The following DIXDC1 variants were observed in gnomAD, a reference collection of about 807,000 sequenced individuals.
The protein encoded by DIXDC1 is dixin.
DIXDC1 carries 64 observed loss-of-function variants against 103.1 expected under a neutral mutation model. That is an observed-to-expected ratio of 0.62 (90% CI 0.51 to 0.76). The LOEUF (loss-of-function observed/expected upper bound fraction) is 0.76, where lower values mean the gene tolerates loss of function less well. Ranked by LOEUF, DIXDC1 falls within the 30% of genes least tolerant of loss-of-function variation. DIXDC1 has a pLI of 0.00. For missense variants in DIXDC1, 759 were observed against 834.2 expected, an observed-to-expected ratio of 0.91 and a Z score of 1.11; for synonymous variants, 266 against 298.5, an observed-to-expected ratio of 0.89 and a Z score of 1.12.
chr11:111,984,661 G>A (rs1272693945), intron 7 of DIXDC1, among the ~76,000 whole-genome samples: 4 of 152,166 alleles, frequency 2.6e-5, no homozygotes, highest in African/African-American at 9.7e-5. Context: ...TTCCACCTAC[G>A]TATATTCTAA....
intron 17 of DIXDC1, among the ~76,000 whole-genome samples, chr11:112,006,856 C>G (rs587627317): frequency 6.6e-6 from 1 of 152,294 alleles, no homozygotes; most frequent in East Asian, 1.9e-4. Flanking sequence ...GGGGAGAAAC[C>G]AGAGCAGAAA....
intron 12 of DIXDC1, 82 bp downstream of exon 12, chr11:111,993,086 G>A: frequency 7.0e-7 from 1 of 1,438,348 alleles, no homozygotes; most frequent in Admixed American, 2.4e-5. Flanking sequence ...AAGCACTTAA[G>A]TATTCTATTT....
intron 5 of DIXDC1, among the ~76,000 whole-genome samples, chr11:111,979,951 C>T (rs189486191): frequency 5.3e-5 from 8 of 152,100 alleles, no homozygotes; most frequent in African/African-American, 1.9e-4. Context: ...GAGACCCTGT[C>T]TCAAAAAAAT....
intron 2 of DIXDC1, among the ~76,000 whole-genome samples, chr11:111,964,989 G>A (rs1374252324): frequency 1.3e-5 from 2 of 152,100 alleles, no homozygotes; most frequent in African/African-American, 4.8e-5. Context: ...CTCCAGTGGG[G>A]TAAGCACAGA....
chr11:111,970,985 T>C (rs1455320255), intron 3 of DIXDC1, among the ~76,000 whole-genome samples: 1 of 152,180 alleles, frequency 6.6e-6, no homozygotes, highest in Non-Finnish European at 1.5e-5. Context: ...CAAGATGGAA[T>C]AAAGACTTAA....
intron 1 of DIXDC1, among the ~76,000 whole-genome samples, chr11:111,955,980 A>G (rs587743872): frequency 5.7e-5 from 8 of 139,494 alleles, no homozygotes; most frequent in African/African-American, 2.0e-4. Context: ...GTGCATATAT[A>G]TATGTGTACA....
At chr11:111,978,976 C>T (rs587663119) in intron 5 of DIXDC1, among the ~76,000 whole-genome samples, 2 of 152,214 alleles carry the variant, frequency 1.3e-5, no homozygotes, top group East Asian at 1.9e-4. Flanking sequence ...ATTGCCTAAG[C>T]GGTGAAAGAT....
rs117088578 is a variant in DIXDC1, at chr11:111,949,402, G to A, written c.60+11843G>A. On this transcript the variant is annotated intron_variant, in intron 1 of 19. Coordinates refer to ENST00000440460, the MANE Select transcript of DIXDC1 (RefSeq NM_001037954.4). ...AGCATCACCAGCCAGCCAGTCATTC[G>A]GGTCCAACATTTTGGACCCTCTTTT... 4.5e-3 allele frequency among the ~76,000 whole-genome samples: 688 copies of A among 152,224 alleles called. 13 individuals carry two copies. The East Asian group carries it at 0.067, about 15-fold the overall frequency.
intron 17 of DIXDC1, among the ~76,000 whole-genome samples, chr11:111,999,139 G>A (rs587737639): frequency 6.6e-6 from 1 of 152,276 alleles, no homozygotes; most frequent in East Asian, 1.9e-4. Context: ...AGAGATGCAA[G>A]GCAAATGTTT....
chr11:112,016,962 A>G lies in DIXDC1; in HGVS notation c.1862+166A>G, dbSNP rs587748169. Among the ~76,000 whole-genome samples, 8 of 152,236 alleles carry G rather than the reference A, an allele frequency of 5.3e-5. No homozygotes were observed. The East Asian group carries it at 1.4e-3, about 26-fold the overall frequency. On this transcript the variant is annotated intron_variant, in intron 18 of 19. Coordinates refer to ENST00000440460, the MANE Select transcript of DIXDC1 (RefSeq NM_001037954.4). ...GACAGATTCTAGTTTCAGCTTTGCC[A>G]CTATTCAGTGGTATTATAAAGGACA...
In DIXDC1 at chr11:111,937,478, C is replaced by T. The variant is rs1266628302; in HGVS notation, c.-22C>T. ...CGGCCGCCGGGCTGGAGACCCCGCC[C>T]GGGGAGCCCCCAGCAGGAACAATGC... On this transcript the variant is annotated 5_prime_UTR_variant, in exon 1 of 20. Coordinates refer to ENST00000440460, the MANE Select transcript of DIXDC1 (RefSeq NM_001037954.4). 2.5e-6 allele frequency: 4 copies of T among 1,570,072 alleles called. No homozygotes were observed. The highest frequency in any genetic ancestry group is 2.4e-5 in the East Asian group (1 of 42,186).
upstream of DIXDC1, among the ~76,000 whole-genome samples, chr11:111,932,681 G>A (rs1012814353): frequency 7.9e-5 from 12 of 151,412 alleles, no homozygotes; most frequent in African/African-American, 1.5e-4. Flanking sequence ...TGATTACTTT[G>A]GCGACATCCT....
chr11:112,004,046 A>G (rs587597821), intron 17 of DIXDC1, among the ~76,000 whole-genome samples: 9 of 145,008 alleles, frequency 6.2e-5, no homozygotes, highest in East Asian at 2.0e-4. Context: ...ATATATATAT[A>G]TATGTATGTA....
intron 9 of DIXDC1, among the ~76,000 whole-genome samples, chr11:111,988,791 T>C (rs1394244189): frequency 1.3e-5 from 2 of 152,218 alleles, no homozygotes; most frequent in Admixed American, 6.5e-5. Context: ...CAGTTAAGCC[T>C]GGGTGCCAAC....
intron 17 of DIXDC1, among the ~76,000 whole-genome samples, chr11:112,010,359 A>G (rs1224648412): frequency 6.6e-6 from 1 of 152,224 alleles, no homozygotes; most frequent in Non-Finnish European, 1.5e-5. Context: ...AATAAATATC[A>G]TGAAAATGGC....
chr11:111,989,400 G>A (rs1555174265), intron 10 of DIXDC1, among the ~76,000 whole-genome samples: 1 of 151,956 alleles, frequency 6.6e-6, no homozygotes, highest in African/African-American at 2.4e-5. Context: ...CGAGGCAGGC[G>A]GATCACGAGG....
At chr11:112,018,505 A>G (rs1052891970) in intron 19 of DIXDC1, among the ~76,000 whole-genome samples, 32 of 152,228 alleles carry the variant, frequency 2.1e-4, no homozygotes, top group Non-Finnish European at 3.2e-4. Context: ...GAAATGTTTT[A>G]GTAACCCTGT....
At chr11:111,931,662 A>T (rs1014521039) in intron 2 of DIXDC1, among the ~76,000 whole-genome samples, 4 of 152,288 alleles carry the variant, frequency 2.6e-5, no homozygotes, top group Admixed American at 6.5e-5. Context: ...AAATAAATAA[A>T]TAATTAAAAA....
At chr11:111,970,862 T>C (rs782270266) in intron 3 of DIXDC1, among the ~76,000 whole-genome samples, 3 of 151,812 alleles carry the variant, frequency 2.0e-5, no homozygotes, top group Non-Finnish European at 4.4e-5. Context: ...TCAACAAAAA[T>C]AAGCAATGAG....
Sources: gnomAD v4.1 joint callset for allele counts (sites outside exome capture counted in the v4.1 genomes callset) on GRCh38, gnomAD v4.1.1 for gene constraint, MANE v1.5 for transcripts, NCBI Gene and HGNC (gene_info 2026-07-23, HGNC 2026-07-21) for gene names.